Variants in CADPS2 observed in about 807,000 individuals in gnomAD.
CADPS2 encodes calcium-dependent secretion activator 2.
In CADPS2, 93 loss-of-function variants were observed where a neutral mutation model predicts 172.5. That is an observed-to-expected ratio of 0.54 (90% CI 0.46 to 0.64). The LOEUF is 0.64. Ranked by LOEUF, CADPS2 falls within the 30% of genes least tolerant of loss-of-function variation. CADPS2 has a pLI of 0.00. For synonymous variants in CADPS2, 546 were observed against 555.2 expected (o/e 0.98, Z 0.23); for missense variants, 1,420 against 1,565.9 (o/e 0.91, Z 1.57).
At position 122,772,289 on chromosome 7, in the gene CADPS2, G is replaced by A. The variant is rs1404905113; in HGVS notation, c.340-35221C>T. Reference sequence around the variant, plus strand: ...AAGATTGTCATATTTCTTCAAGAACGGTTCATAGTAAAAATGTGATTAACA... The same window carrying A: ...AAGATTGTCATATTTCTTCAAGAACAGTTCATAGTAAAAATGTGATTAACA... On this transcript the variant is annotated intron_variant, in intron 1 of 29. Coordinates refer to ENST00000449022, the MANE Select transcript of CADPS2 (RefSeq NM_017954.11). 2.0e-5 allele frequency among the ~76,000 whole-genome samples: 3 copies of A among 152,038 alleles called. No individual in the cohort carries two copies. The East Asian group carries it at 5.8e-4, about 29-fold the overall frequency.
At chr7:122,645,437 A>G (rs1467949977) in intron 3 of CADPS2, among the ~76,000 whole-genome samples, 1 of 97,400 alleles carries the variant, frequency 1.0e-5, no homozygotes, top group Non-Finnish European at 2.3e-5. Flanking sequence ...GTATATATGT[A>G]TATATACACA....
intron 7 of CADPS2, among the ~76,000 whole-genome samples, chr7:122,566,311 T>A (rs2066465260): frequency 6.6e-6 from 1 of 152,084 alleles, no homozygotes; most frequent in African/African-American, 2.4e-5. Context: ...TGCATATTGT[T>A]GGTAGGAATG....
At chr7:122,698,599 C>G in intron 2 of CADPS2, 1 of 1,613,970 alleles carries the variant, frequency 6.2e-7, no homozygotes, top group Non-Finnish European at 8.5e-7. Flanking sequence ...ACAACCTCCC[C>G]GTTCAATAAG....
intron 8 of CADPS2, among the ~76,000 whole-genome samples, chr7:122,535,992 C>A (rs537992085): frequency 6.6e-6 from 1 of 152,226 alleles, no homozygotes; most frequent in Middle Eastern, 3.4e-3. Flanking sequence ...CAGTCCTAAA[C>A]TATCTCCCTA....
chr7:122,680,830 G>A (rs1053219909), intron 2 of CADPS2, among the ~76,000 whole-genome samples: 2 of 152,096 alleles, frequency 1.3e-5, no homozygotes, highest in African/African-American at 2.4e-5. Context: ...ACAGGCACAC[G>A]TATGTTTATT....
chr7:122,559,776 A>C (rs6948555), intron 7 of CADPS2, among the ~76,000 whole-genome samples: 1 of 65,368 alleles, frequency 1.5e-5, no homozygotes, highest in African/African-American at 5.1e-5. Flanking sequence ...ACCTCAAAAA[A>C]AAAAAAAAAA....
At chr7:122,528,953 T>G (rs1276401786) in intron 8 of CADPS2, among the ~76,000 whole-genome samples, 1 of 152,084 alleles carries the variant, frequency 6.6e-6, no homozygotes, top group East Asian at 1.9e-4. Flanking sequence ...AAAAAGAAAA[T>G]GTGTTGAAAA....
chr7:122,776,543 A>G (rs1481627370), intron 1 of CADPS2, among the ~76,000 whole-genome samples: 2 of 151,960 alleles, frequency 1.3e-5, no homozygotes, highest in African/African-American at 4.8e-5. Flanking sequence ...GCAGATTGGA[A>G]CAGTTTGGAG....
At chr7:122,591,144 G>A (rs912003144) in intron 6 of CADPS2, among the ~76,000 whole-genome samples, 1 of 151,916 alleles carries the variant, frequency 6.6e-6, no homozygotes, top group African/African-American at 2.4e-5. Context: ...AAACTCTCAG[G>A]ATACAAAATC....
intron 8 of CADPS2, among the ~76,000 whole-genome samples, chr7:122,546,376 T>A (rs1227249180): frequency 6.6e-6 from 1 of 152,190 alleles, no homozygotes; most frequent in East Asian, 1.9e-4. Context: ...TTTAGGACCC[T>A]TATACCCGTA....
At chr7:122,429,241 C>T (rs1002919048) in intron 17 of CADPS2, among the ~76,000 whole-genome samples, 2 of 150,390 alleles carry the variant, frequency 1.3e-5, no homozygotes, top group East Asian at 1.9e-4. Context: ...CCAAATAATA[C>T]GTGAAGTTGA....
chr7:122,792,784 A>G (rs943776688), intron 1 of CADPS2, among the ~76,000 whole-genome samples: 15 of 152,162 alleles, frequency 9.9e-5, no homozygotes, highest in African/African-American at 3.6e-4. Context: ...TACACTGCTC[A>G]CCCTAGGCCA....
Position 122,663,319 on chromosome 7 carries a change from C to T in CADPS2, c.704G>A (p.Ser235Asn). 1 of 1,613,914 alleles carries T rather than the reference C, an allele frequency of 6.2e-7. No homozygotes were observed. Among genetic ancestry groups the T allele is most frequent in the Non-Finnish European group, 8.5e-7 (1 of 1,179,874 alleles). Residue 235 changes from serine to asparagine, a missense_variant, in exon 3 of 30, where the codon AGC (serine) becomes AAC (asparagine). Transcript: ENST00000449022. ...ALSAVSELILSKEQLYEMFQQ... is the reference protein window; with the variant it reads ...ALSAVSELILNKEQLYEMFQQ... ...AAACATTTCATAGAGTTGTTCCTTG[C>T]TCAGAATAAGTTCAGACACTGCACT...
At chr7:122,684,100 C>T (rs2083368260) in intron 2 of CADPS2, among the ~76,000 whole-genome samples, 1 of 152,000 alleles carries the variant, frequency 6.6e-6, no homozygotes, top group Admixed American at 6.5e-5. Context: ...TATTTCCATG[C>T]TAAATATTAG....
intron 20 of CADPS2, among the ~76,000 whole-genome samples, chr7:122,399,051 C>A (rs2045555886): frequency 6.6e-6 from 1 of 152,068 alleles, no homozygotes; most frequent in Non-Finnish European, 1.5e-5. Context: ...AAACCACACC[C>A]AGTTCTTCCT....
intron 2 of CADPS2, among the ~76,000 whole-genome samples, chr7:122,701,334 G>A (rs182867883): frequency 1.1e-3 from 171 of 152,026 alleles, no homozygotes; most frequent in African/African-American, 3.9e-3. Context: ...GCGAACTATC[G>A]CAAGGACAAA....
rs1034382481 is a variant in CADPS2, at chr7:122,393,186, G to A, written c.3008+10C>T. On this transcript the variant is annotated intron_variant, in intron 22 of 29. Coordinates refer to ENST00000449022, the MANE Select transcript of CADPS2 (RefSeq NM_017954.11). ...AACACACCACCAGGAAATAAGTGAGGAATACACACGTGGACTCATATAAAG... is the reference window on the plus strand; with the variant it reads ...AACACACCACCAGGAAATAAGTGAGAAATACACACGTGGACTCATATAAAG... 1.7e-5 allele frequency: 27 copies of A among 1,612,750 alleles called. No individual in the cohort carries two copies. Among genetic ancestry groups the A allele is most frequent in the Non-Finnish European group, 2.1e-5 (25 of 1,179,522 alleles).
intron 3 of CADPS2, among the ~76,000 whole-genome samples, chr7:122,645,566 T>C (rs1241423683): frequency 1.6e-5 from 2 of 125,142 alleles, no homozygotes; most frequent in South Asian, 2.7e-4. Context: ...AGAGAATATA[T>C]ATGCATATTC....
intron 1 of CADPS2, among the ~76,000 whole-genome samples, chr7:122,745,721 T>C (rs1225881322): frequency 6.6e-6 from 1 of 151,724 alleles, no homozygotes; most frequent in African/African-American, 2.4e-5. Context: ...AAATATCAGT[T>C]GGTTGCTATG....
Sources: allele counts gnomAD v4.1 joint callset (sites outside exome capture counted in the v4.1 genomes callset), GRCh38; gene constraint gnomAD v4.1.1; transcripts MANE v1.5; gene names NCBI Gene and HGNC (gene_info 2026-07-23, HGNC 2026-07-21).